The following GLYATL2 variants were observed in gnomAD, a reference collection of about 807,000 sequenced individuals.
GLYATL2 encodes the protein glycine N-acyltransferase-like protein 2.
GLYATL2 carries 25 observed loss-of-function variants against 21.4 expected under a neutral mutation model. That is an observed-to-expected ratio of 1.17 (90% CI 0.85 to 1.63). The LOEUF (loss-of-function observed/expected upper bound fraction) is 1.63, where lower values mean the gene tolerates loss of function less well. Ranked by LOEUF, GLYATL2 falls within the 40% of genes most tolerant of loss-of-function variation. The pLI is 0.00. For missense variants in GLYATL2, 361 were observed against 343.3 expected (o/e 1.05, Z -0.41); for synonymous variants, 114 against 118.2 (o/e 0.96, Z 0.23).
At chr11:58,844,891 T>A (rs1008380960), upstream of GLYATL2, 4 of 152,234 alleles carry the variant, frequency 2.6e-5, no homozygotes, top group Non-Finnish European at 5.9e-5. Context: ...CTTGGCTTAA[T>A]ACTTTCAACC....
At chr11:58,838,499 C>A in intron 2 of GLYATL2, 131 bp from the exon 3 acceptor site, 1 of 553,188 alleles carries the variant, frequency 1.8e-6, no homozygotes, top group Non-Finnish European at 3.2e-6. Flanking sequence ...TGGGCCAGTG[C>A]TTCCAGGATG....
chr11:58,890,896 G>A (rs1235076060), intron 1 of GLYATL2, among the ~76,000 whole-genome samples: 1 of 150,502 alleles, frequency 6.6e-6, no homozygotes, highest in Non-Finnish European at 1.5e-5. Flanking sequence ...ATGAACTTTT[G>A]GCTTTATATA....
At chr11:58,864,878 C>T (rs991622271) in intron 1 of GLYATL2, among the ~76,000 whole-genome samples, 1 of 148,832 alleles carries the variant, frequency 6.7e-6, no homozygotes, top group Non-Finnish European at 1.5e-5. Flanking sequence ...TTTCAAAGTG[C>T]CTCAGCAGCA....
intron 1 of GLYATL2, among the ~76,000 whole-genome samples, chr11:58,882,297 G>A (rs529317766): frequency 3.0e-4 from 46 of 152,212 alleles, no homozygotes; most frequent in Middle Eastern, 3.4e-3. Context: ...ATGGTATCTC[G>A]TTGTGGTTTT....
intron 1 of GLYATL2, among the ~76,000 whole-genome samples, chr11:58,878,931 G>A (rs1366548194): frequency 1.3e-5 from 2 of 152,170 alleles, no homozygotes; most frequent in Non-Finnish European, 2.9e-5. Flanking sequence ...GGCTAAGAAT[G>A]AGTTGGGCAG....
chr11:58,880,088 G>C (rs1220154220), intron 1 of GLYATL2, among the ~76,000 whole-genome samples: 2 of 152,100 alleles, frequency 1.3e-5, no homozygotes, highest in Non-Finnish European at 2.9e-5. Context: ...TCGATCTCCT[G>C]ACCTCGTGAT....
chr11:58,905,892 T>A (rs1212390421), upstream of GLYATL2, among the ~76,000 whole-genome samples: 1 of 152,196 alleles, frequency 6.6e-6, no homozygotes, highest in South Asian at 2.1e-4. Context: ...GATGAGAGGA[T>A]GAATCATTTC....
intron 1 of GLYATL2, among the ~76,000 whole-genome samples, chr11:58,880,012 C>T (rs1361002800): frequency 1.3e-5 from 2 of 152,028 alleles, no homozygotes; most frequent in African/African-American, 4.8e-5. Context: ...GTGCCCGCCA[C>T]CTTGCCCAGC....
intron 1 of GLYATL2, among the ~76,000 whole-genome samples, chr11:58,863,795 G>A (rs1163630368): frequency 6.6e-6 from 1 of 152,146 alleles, no homozygotes; most frequent in Admixed American, 6.5e-5. Context: ...AACTGCTCTG[G>A]AACCGAGGTC....
At chr11:58,849,693 AC>A (rs1253735453), upstream of GLYATL2, among the ~76,000 whole-genome samples, 9 of 152,268 alleles carry the variant, frequency 5.9e-5, no homozygotes, top group Non-Finnish European at 1.2e-4. Context: ...AGAACAGAAA[AC>A]CAAACACCGC....
intron 1 of GLYATL2, among the ~76,000 whole-genome samples, chr11:58,899,475 A>T (rs1036443125): frequency 6.6e-6 from 1 of 152,260 alleles, no homozygotes; most frequent in African/African-American, 2.4e-5. Context: ...AAAACAACAC[A>T]TGATTTGACG....
intron 1 of GLYATL2, among the ~76,000 whole-genome samples, chr11:58,842,652 G>T (rs2134577904): frequency 6.6e-6 from 1 of 152,144 alleles, no homozygotes; most frequent in Admixed American, 6.6e-5. Context: ...ATGAATGAAT[G>T]AATGAATGAA....
rs140121257 is a variant in GLYATL2, at chr11:58,849,920, G to T, written n.61-11552C>A. Among the ~76,000 whole-genome samples the T allele has an allele frequency of 8.9e-3, 1,345 of 151,966 alleles. 18 individuals are homozygous for T. Among genetic ancestry groups the T allele is most frequent in the African/African-American group, 0.03 (1,254 of 41,424 alleles). ...CTGCACGTTCAGCACATGTATCCCA[G>T]AACTTAAAGTATAATTAAAAAAAGA... On this transcript the variant is annotated intron_variant and non_coding_transcript_variant, in intron 1 of 4. Transcript: ENST00000533636.
chr11:58,890,201 T>A (rs1267950059), intron 1 of GLYATL2, among the ~76,000 whole-genome samples: 4 of 152,176 alleles, frequency 2.6e-5, no homozygotes, highest in Admixed American at 2.0e-4. Context: ...CATGTGATAT[T>A]TAGTTTTCTG....
At chr11:58,866,650 G>C (rs1854028002) in intron 1 of GLYATL2, among the ~76,000 whole-genome samples, 1 of 149,110 alleles carries the variant, frequency 6.7e-6, no homozygotes, top group South Asian at 2.1e-4. Flanking sequence ...GACTACTGGT[G>C]AAAAAACATT....
chr11:58,869,760 A>G (rs1386565226), intron 1 of GLYATL2, among the ~76,000 whole-genome samples: 1 of 152,230 alleles, frequency 6.6e-6, no homozygotes, highest in African/African-American at 2.4e-5. Flanking sequence ...ATAGCATTAA[A>G]ATTATTGTAA....
At chr11:58,886,227 G>A (rs975356890) in intron 1 of GLYATL2, among the ~76,000 whole-genome samples, 1 of 152,042 alleles carries the variant, frequency 6.6e-6, no homozygotes, top group Admixed American at 6.6e-5. Flanking sequence ...AAAAAAAAAT[G>A]TTATTTCTCA....
intron 1 of GLYATL2, among the ~76,000 whole-genome samples, chr11:58,840,047 C>T (rs1853517005): frequency 2.0e-5 from 3 of 152,016 alleles, no homozygotes; most frequent in South Asian, 4.1e-4. Flanking sequence ...GAAACACTTG[C>T]TCTAATGTTC....
chr11:58,836,337 A>G lies in GLYATL2; in HGVS notation c.476+678T>C, dbSNP rs573573775. On this transcript the variant is annotated intron_variant, in intron 5 of 5. Transcript: ENST00000287275. ...GTATTCTAATGTTTCAATGTCCCAT[A>G]ATAAATTTATCCATTTCCCCATTAC... Among the ~76,000 whole-genome samples the G allele has an allele frequency of 2.8e-3, 429 of 152,300 alleles. 5 individuals are homozygous for G. Among genetic ancestry groups the G allele is most frequent in the African/African-American group, 9.6e-3 (401 of 41,570 alleles).
Sources: gnomAD v4.1 joint callset for allele counts (sites outside exome capture counted in the v4.1 genomes callset) on GRCh38, gnomAD v4.1.1 for gene constraint, MANE v1.5 for transcripts, NCBI Gene and HGNC (gene_info 2026-07-23, HGNC 2026-07-21) for gene names.